DCAF8L2: variants seen among roughly 807,000 people sequenced by gnomAD.
DCAF8L2 encodes the protein DDB1- and CUL4-associated factor 8-like protein 2.
For synonymous variants in DCAF8L2, 200 were observed against 190.9 expected, an observed-to-expected ratio of 1.05 and a Z score of -0.39; for missense variants, 430 against 490.7, an observed-to-expected ratio of 0.88 and a Z score of 1.17.
chrX:27,522,471 T>C, the DCAF8L2 span, among the ~76,000 whole-genome samples: 1 of 112,518 alleles, frequency 8.9e-6, no homozygotes, highest in Non-Finnish European at 1.9e-5. Context: ...CCACATAACA[T>C]GAGAGTTACT....
chrX:27,688,452 T>G (rs2147250859), intron 3 of DCAF8L2, among the ~76,000 whole-genome samples: 1 of 112,109 alleles, frequency 8.9e-6, no homozygotes, highest in East Asian at 2.8e-4. Flanking sequence ...CATTGCTTTG[T>G]TTTATTTTGT....
chrX:27,507,016 A>G, the DCAF8L2 span, among the ~76,000 whole-genome samples: 1 of 110,929 alleles, frequency 9.0e-6, no homozygotes, highest in South Asian at 3.8e-4. Flanking sequence ...TTAAACATCT[A>G]TCTTTGGCTT....
At chrX:27,635,863 G>A (rs949504857) in intron 2 of DCAF8L2, among the ~76,000 whole-genome samples, 3 of 105,961 alleles carry the variant, frequency 2.8e-5, no homozygotes, top group Non-Finnish European at 5.9e-5. Context: ...CCAGGCTGGA[G>A]TGCACTGGCG....
chrX:27,710,672 A>G (rs1931494392), intron 3 of DCAF8L2, among the ~76,000 whole-genome samples: 1 of 112,598 alleles, frequency 8.9e-6, no homozygotes, highest in African/African-American at 3.2e-5. Flanking sequence ...TATTTTAACA[A>G]TTATTTCACC....
the DCAF8L2 span, among the ~76,000 whole-genome samples, chrX:27,502,335 A>AAAAAAAATATAT: frequency 2.4e-4 from 3 of 12,710 alleles, no homozygotes; most frequent in Non-Finnish European, 4.5e-4. Flanking sequence ...AAAAAAAAAA[A>AAAAAAAATATAT]ATATATATAT....
At chrX:27,646,735 A>G (rs1310694314) in intron 2 of DCAF8L2, among the ~76,000 whole-genome samples, 4 of 111,445 alleles carry the variant, frequency 3.6e-5, no homozygotes, top group Non-Finnish European at 7.5e-5. Context: ...AACCGCATTA[A>G]AAAGTGGGAA....
chrX:27,546,718 G>C, the DCAF8L2 span, among the ~76,000 whole-genome samples: 2 of 112,439 alleles, frequency 1.8e-5, no homozygotes, highest in African/African-American at 6.5e-5. Context: ...GCAATGGCCT[G>C]AGCTGTACCT....
At chrX:27,481,931 T>G in the DCAF8L2 span, among the ~76,000 whole-genome samples, 1 of 111,806 alleles carries the variant, frequency 8.9e-6, no homozygotes, top group Non-Finnish European at 1.9e-5. Context: ...AAGAGTTGAT[T>G]TGGACATATT....
chrX:27,510,845 A>G, the DCAF8L2 span, among the ~76,000 whole-genome samples: 1 of 111,412 alleles, frequency 9.0e-6, no homozygotes, highest in Non-Finnish European at 1.9e-5. Context: ...TTTGCACTGA[A>G]AAGCAAATTA....
chrX:27,531,389 A>G, the DCAF8L2 span, among the ~76,000 whole-genome samples: 1 of 111,671 alleles, frequency 9.0e-6, no homozygotes, highest in Non-Finnish European at 1.9e-5. Flanking sequence ...GGTCCTTCCT[A>G]TGACACATGG....
chrX:27,629,457 T>G (rs1928195262), intron 1 of DCAF8L2, among the ~76,000 whole-genome samples: 2 of 110,569 alleles, frequency 1.8e-5, no homozygotes, highest in South Asian at 7.7e-4. Flanking sequence ...TTTCTTTCTC[T>G]CTCTTTTTTC....
chrX:27,549,675 A>G, the DCAF8L2 span, among the ~76,000 whole-genome samples: 3 of 111,709 alleles, frequency 2.7e-5, no homozygotes, highest in African/African-American at 9.8e-5. Flanking sequence ...AAGGGGTTAT[A>G]CATACATATT....
At chrX:27,620,395 A>C in intron 1 of DCAF8L2, among the ~76,000 whole-genome samples, 1 of 112,114 alleles carries the variant, frequency 8.9e-6, no homozygotes, top group East Asian at 2.8e-4. Flanking sequence ...AAATTTAAAA[A>C]TTTAGTATAT....
intron 2 of DCAF8L2, among the ~76,000 whole-genome samples, chrX:27,637,053 G>A (rs187635494): frequency 1.0e-3 from 116 of 111,711 alleles, no homozygotes; most frequent in African/African-American, 3.5e-3. Context: ...AAGGTTCTCC[G>A]AAATTAGAAA....
At chrX:27,579,663 A>ACACACAC in the DCAF8L2 span, among the ~76,000 whole-genome samples, 1 of 74,830 alleles carries the variant, frequency 1.3e-5, no homozygotes, top group African/African-American at 6.0e-5. Context: ...CACACACACA[A>ACACACAC]ATATACCAAA....
chrX:27,547,911 C>CTCT, the DCAF8L2 span, among the ~76,000 whole-genome samples: 15 of 95,219 alleles, frequency 1.6e-4, no homozygotes, highest in East Asian at 3.4e-4. Flanking sequence ...CTCTCTCTCT[C>CTCT]CTGTTGCCAT....
At chrX:27,502,275 C>G in the DCAF8L2 span, among the ~76,000 whole-genome samples, 1 of 86,594 alleles carries the variant, frequency 1.2e-5, no homozygotes, top group African/African-American at 4.3e-5. Context: ...GAGTCGAGAT[C>G]GTGCCACTGC....
the DCAF8L2 span, among the ~76,000 whole-genome samples, chrX:27,470,014 C>G: frequency 9.0e-6 from 1 of 111,258 alleles, no homozygotes; most frequent in Non-Finnish European, 1.9e-5. Flanking sequence ...GTGATCCGCC[C>G]GCCTCGGCTT....
At chrX:27,597,833 G>A (rs1926428467) in intron 1 of DCAF8L2, among the ~76,000 whole-genome samples, 1 of 112,254 alleles carries the variant, frequency 8.9e-6, no homozygotes, top group South Asian at 3.7e-4. Flanking sequence ...CAGAAAGTTT[G>A]AAGGGCTCTC....
Sources: gnomAD v4.1 joint callset for allele counts (sites outside exome capture counted in the v4.1 genomes callset) on GRCh38, gnomAD v4.1.1 for gene constraint, MANE v1.5 for transcripts, NCBI Gene and HGNC (gene_info 2026-07-23, HGNC 2026-07-21) for gene names.